Variants in PCDHGA6 observed in about 807,000 individuals in gnomAD.
PCDHGA6 encodes protocadherin gamma-A6.
PCDHGA6 carries 41 observed loss-of-function variants against 60.6 expected under a neutral mutation model. That is an observed-to-expected ratio of 0.68 (90% CI 0.53 to 0.88). The LOEUF (loss-of-function observed/expected upper bound fraction) is 0.88, where lower values mean the gene tolerates loss of function less well. Among genes scored for constraint, PCDHGA6 ranks in the 40% least tolerant of loss-of-function variants. The pLI, the probability that PCDHGA6 is intolerant of heterozygous loss-of-function variation, is 0.00. For missense variants in PCDHGA6, 1,312 were observed against 1,203.0 expected (o/e 1.09, Z -1.34); for synonymous variants, 594 against 524.4 (o/e 1.13, Z -1.81).
At chr5:141,500,184 T>A (rs889800014) in intron 2 of PCDHGA6, among the ~76,000 whole-genome samples, 89 of 135,966 alleles carry the variant, frequency 6.5e-4, no homozygotes, top group African/African-American at 2.4e-3. Flanking sequence ...TCATTTTTAT[T>A]TTTATTTATT....
intron 1 of PCDHGA6, among the ~76,000 whole-genome samples, chr5:141,436,522 C>T (rs933890051): frequency 3.9e-5 from 6 of 152,088 alleles, no homozygotes; most frequent in African/African-American, 1.4e-4. Context: ...ACTGTGTCAC[C>T]TTTAGCAAGT....
In PCDHGA6 at chr5:141,476,210, G is replaced by A; in HGVS notation, c.2425-18597G>A. ...TGGTGCCTTGAACAAGGCTTCCACG[G>A]TCATTCACTATGAGATCCCGGAGGA... is the stretch of plus-strand genomic sequence containing the variant. On this transcript the variant is annotated intron_variant, in intron 1 of 3. Coordinates refer to ENST00000517434, the MANE Select transcript of PCDHGA6 (RefSeq NM_018919.3). The surrounding 1 kb of genome is among the most constrained non-coding windows in gnomAD (Gnocchi z 7.6). 6.2e-7 allele frequency: 1 copy of A among 1,614,012 alleles called. No individual in the cohort carries two copies. Among genetic ancestry groups the A allele is most frequent in the Non-Finnish European group, 8.5e-7 (1 of 1,180,012 alleles).
chr5:141,414,526 G>T, intron 1 of PCDHGA6: 1 of 1,613,912 alleles, frequency 6.2e-7, no homozygotes, highest in Non-Finnish European at 8.5e-7. Flanking sequence ...AGATATCAAT[G>T]ACAACCCACC....
chr5:141,409,270 T>A (rs761773360), intron 1 of PCDHGA6: 6 of 1,613,996 alleles, frequency 3.7e-6, no homozygotes, highest in Non-Finnish European at 4.2e-6. Flanking sequence ...CTGATCAGAT[T>A]TTGGAGAATT....
chr5:141,494,729 C>T (rs2099756368), intron 1 of PCDHGA6, 78 bp from the exon 2 acceptor site: 31 of 1,610,050 alleles, frequency 1.9e-5, no homozygotes, highest in Admixed American at 3.3e-5. Flanking sequence ...CCTTCTCTCC[C>T]GGCCCATCCC....
intron 1 of PCDHGA6, among the ~76,000 whole-genome samples, chr5:141,470,014 A>G (rs1394478856): frequency 6.6e-6 from 1 of 152,200 alleles, no homozygotes; most frequent in Non-Finnish European, 1.5e-5. Flanking sequence ...CTGTAATCCC[A>G]GCTACTCGGG....
intron 1 of PCDHGA6, chr5:141,421,623 C>T: frequency 6.2e-7 from 1 of 1,613,810 alleles, no homozygotes. Flanking sequence ...ATAACGCCCC[C>T]AGCTTCCAGG....
chr5:141,463,510 G>A (rs1031854898), intron 1 of PCDHGA6, among the ~76,000 whole-genome samples: 4 of 143,710 alleles, frequency 2.8e-5, no homozygotes, highest in Non-Finnish European at 4.5e-5. Context: ...GTGACGTGGC[G>A]TGATCTCGGC....
intron 1 of PCDHGA6, among the ~76,000 whole-genome samples, chr5:141,467,954 C>T (rs1467826790): frequency 1.3e-5 from 2 of 152,070 alleles, no homozygotes; most frequent in Admixed American, 6.6e-5. Flanking sequence ...CCACCACACC[C>T]GGCTGCCAGA....
chr5:141,505,294 G>A, intron 2 of PCDHGA6, 99 bp from the exon 3 acceptor site: 1 of 1,572,086 alleles, frequency 6.4e-7, no homozygotes, highest in Non-Finnish European at 8.6e-7. Flanking sequence ...GCATGGGGTA[G>A]GGTTAGGGTA....
Position 141,413,864 on chromosome 5 carries a change from T to C in PCDHGA6, c.2424+37357T>C. 3 of 1,613,398 alleles carry C rather than the reference T, an allele frequency of 1.9e-6. No homozygotes were observed. The Admixed American group carries it at 5.0e-5, about 27-fold the overall frequency. ...GGTGACCCTCTCCGATCTGGCACTG[T>C]CCTTGTCAGTGTGACTGTCTTCGAT... On this transcript the variant is annotated intron_variant, in intron 1 of 3. Transcript: ENST00000517434.
At chr5:141,455,208 A>G (rs1450523873) in intron 1 of PCDHGA6, among the ~76,000 whole-genome samples, 1 of 151,996 alleles carries the variant, frequency 6.6e-6, no homozygotes, top group Non-Finnish European at 1.5e-5. Context: ...AACCAATAAG[A>G]GTTTTTAATG....
chr5:141,485,314 T>G lies in PCDHGA6; in HGVS notation c.2425-9493T>G. Reference sequence around the variant, plus strand: ...CACAGGAAGGGACTTTTGTAGGGAATGTCGCTCAAGATTTCCTGCTGGATA... The same window carrying G: ...CACAGGAAGGGACTTTTGTAGGGAAGGTCGCTCAAGATTTCCTGCTGGATA... On this transcript the variant is annotated intron_variant, in intron 1 of 3. Coordinates refer to ENST00000517434, the MANE Select transcript of PCDHGA6 (RefSeq NM_018919.3). This position sits in a 1 kb window ranked among gnomAD's most constrained non-coding sequence, Gnocchi z 5.7. 1 of 1,614,150 alleles carries G rather than the reference T, an allele frequency of 6.2e-7. No individual in the cohort carries two copies. The highest frequency in any genetic ancestry group is 8.5e-7 in the Non-Finnish European group (1 of 1,180,032).
intron 1 of PCDHGA6, among the ~76,000 whole-genome samples, chr5:141,386,804 A>T (rs976518864): frequency 6.6e-6 from 1 of 152,238 alleles, no homozygotes; most frequent in Non-Finnish European, 1.5e-5. Context: ...AATTTATTAG[A>T]TGCATAAAAT....
chr5:141,385,529 T>G (rs568078652), intron 1 of PCDHGA6: 1 of 1,354,768 alleles, frequency 7.4e-7, no homozygotes, highest in South Asian at 2.0e-5. Context: ...TGGACAAGAT[T>G]ATGAATATGT....
At position 141,374,782 on chromosome 5, in the gene PCDHGA6, A is replaced by C. The variant is rs781674966; in HGVS notation, c.699A>C (p.Leu233=). The C allele has an allele frequency of 5.6e-6, 9 of 1,613,904 alleles. No homozygotes were observed. The highest frequency in any genetic ancestry group is 7.6e-6 in the Non-Finnish European group (9 of 1,179,838). The change falls in exon 1 of 4, where the codon CTA becomes CTC. Residue 233 remains leucine, a synonymous_variant. Coordinates refer to ENST00000517434, the MANE Select transcript of PCDHGA6 (RefSeq NM_018919.3). ...TCGCCCAAATTCTGGTAACAGTTCT[A>C]GATGTGAATGACAACACTCCAATGT... ...SSVAQILVTV[L]DVNDNTPMFT...
Position 141,413,696 on chromosome 5 carries a change from A to G in PCDHGA6, c.2424+37189A>G, listed in dbSNP as rs753150251. On this transcript the variant is annotated intron_variant, in intron 1 of 3. Coordinates refer to ENST00000517434, the MANE Select transcript of PCDHGA6 (RefSeq NM_018919.3). ...GTGGGCGTGAACTCCCTGCAGAGCTATCAGCTCAGCCCCAATAAGCACTTC... is the reference window on the plus strand; with the variant it reads ...GTGGGCGTGAACTCCCTGCAGAGCTGTCAGCTCAGCCCCAATAAGCACTTC... 3.1e-6 allele frequency: 5 copies of G among 1,613,522 alleles called. No homozygotes were observed. In the Admixed American group the frequency reaches 6.7e-5, roughly 22 times the overall value.
At chr5:141,411,489 T>C (rs1229059443) in intron 1 of PCDHGA6, 1 of 152,090 alleles carries the variant, frequency 6.6e-6, no homozygotes, top group Non-Finnish European at 1.5e-5. Context: ...GAGGCTGAGC[T>C]GGGTGGATTG....
At chr5:141,453,475 A>C (rs2098766452) in intron 1 of PCDHGA6, among the ~76,000 whole-genome samples, 1 of 151,996 alleles carries the variant, frequency 6.6e-6, no homozygotes, top group Non-Finnish European at 1.5e-5. Context: ...ATAAAGTCAA[A>C]ACTATTAAAA....
Sources: allele counts gnomAD v4.1 joint callset (sites outside exome capture counted in the v4.1 genomes callset), GRCh38; gene constraint gnomAD v4.1.1; non-coding constraint Gnocchi (gnomAD v3.1); transcripts MANE v1.5; gene names NCBI Gene and HGNC (gene_info 2026-07-23, HGNC 2026-07-21).